TACC2: variants seen among roughly 807,000 people sequenced by gnomAD.
TACC2 encodes transforming acidic coiled-coil containing protein 2.
A neutral mutation model predicts 227.3 loss-of-function variants in TACC2; 137 were observed. The ratio of observed to expected loss-of-function variants is 0.60; its 90% CI spans 0.52 to 0.69. TACC2 has a LOEUF of 0.69. Among genes scored for constraint, TACC2 ranks in the 30% least tolerant of loss-of-function variants. The pLI is 0.00. For missense variants in TACC2, 3,470 were observed against 3,694.4 expected (o/e 0.94, Z 1.57); for synonymous variants, 1,523 against 1,487.5 (o/e 1.02, Z -0.55).
At chr10:122,120,771 T>C (rs1023066779) in intron 5 of TACC2, among the ~76,000 whole-genome samples, 10 of 152,244 alleles carry the variant, frequency 6.6e-5, no homozygotes, top group Admixed American at 1.3e-4. Flanking sequence ...TTCTTTCTTT[T>C]TTTTTTTGAG....
rs1045259724 is a variant in TACC2 at position 122,141,682 on chromosome 10, C to T, written c.5700-1890C>T. 6.6e-6 allele frequency among the ~76,000 whole-genome samples: 1 copy of T among 151,922 alleles called. No individual in the cohort carries two copies. The highest frequency in any genetic ancestry group is 1.5e-5 in the Non-Finnish European group (1 of 67,932). ...GGGCCACAGATCTAAGGTAGCATCT[C>T]CCCCCCACCCGCCACTGTTTTCTAA... On this transcript the variant is annotated intron_variant, in intron 6 of 22. Coordinates refer to ENST00000369005, the MANE Select transcript of TACC2 (RefSeq NM_206862.4). The surrounding 1 kb of genome is among the most constrained non-coding windows in gnomAD (Gnocchi z 4.3).
chr10:122,152,925 C>T (rs2092190788), intron 7 of TACC2, among the ~76,000 whole-genome samples: 1 of 152,118 alleles, frequency 6.6e-6, no homozygotes, highest in Non-Finnish European at 1.5e-5. Context: ...CTTGTGATAA[C>T]ATCTGGCCTT....
intron 5 of TACC2, among the ~76,000 whole-genome samples, chr10:122,105,926 C>T (rs1472841563): frequency 6.9e-6 from 1 of 143,988 alleles, no homozygotes; most frequent in Non-Finnish European, 1.5e-5. Flanking sequence ...CCTGGCCTGT[C>T]ATAAACATTT....
intron 2 of TACC2, among the ~76,000 whole-genome samples, chr10:122,031,997 C>G (rs966105040): frequency 3.3e-5 from 5 of 152,112 alleles, no homozygotes; most frequent in Admixed American, 1.3e-4. Context: ...CATGAGCCAC[C>G]GTGCCTGGCC....
chr10:122,240,036 G>A (rs1293728630), intron 18 of TACC2, among the ~76,000 whole-genome samples: 4 of 152,172 alleles, frequency 2.6e-5, no homozygotes, highest in Non-Finnish European at 4.4e-5. Context: ...TGGCAGCCTT[G>A]GGATCCTGGA....
intron 2 of TACC2, 163 bp downstream of exon 2, chr10:122,022,177 T>G: frequency 3.2e-6 from 2 of 628,378 alleles, no homozygotes; most frequent in East Asian, 2.8e-5. Flanking sequence ...ATTTTTCATT[T>G]CATTGGAATT....
chr10:122,122,901 A>G (rs1424884146), intron 5 of TACC2, among the ~76,000 whole-genome samples: 1 of 152,200 alleles, frequency 6.6e-6, no homozygotes. Context: ...ATATATTCAA[A>G]TTTTATCACC....
rs75404895 is a variant in TACC2 at position 122,182,248 on chromosome 10, T to G, written c.5835-12792T>G. On this transcript the variant is annotated intron_variant, in intron 7 of 22. Transcript: ENST00000369005. ...GGGCAGGACCCTGAGAACTATCAAT[T>G]TTTGGATGCGTGAAATAGACCAAAC... Among the ~76,000 whole-genome samples, 2,303 of 152,304 alleles carry G rather than the reference T, an allele frequency of 0.015. 151 individuals carry two copies. In the East Asian group the frequency reaches 0.24, roughly 16 times the overall value.
chr10:122,123,320 T>C (rs1209216551), intron 5 of TACC2, among the ~76,000 whole-genome samples: 1 of 152,154 alleles, frequency 6.6e-6, no homozygotes, highest in Non-Finnish European at 1.5e-5. Flanking sequence ...TTAGAAATCT[T>C]GTTACTCACC....
At chr10:122,100,034 G>C (rs945740815) in intron 5 of TACC2, among the ~76,000 whole-genome samples, 1 of 152,174 alleles carries the variant, frequency 6.6e-6, no homozygotes, top group Non-Finnish European at 1.5e-5. Context: ...GGAGGCCAAG[G>C]CAGGAGGATC....
At chr10:122,096,959 G>A (rs2081510119) in intron 5 of TACC2, among the ~76,000 whole-genome samples, 1 of 152,150 alleles carries the variant, frequency 6.6e-6, no homozygotes, top group Non-Finnish European at 1.5e-5. Context: ...GAAGGCACTG[G>A]AACAGGTCTA....
At chr10:122,242,345 A>G (rs1237571267) in intron 19 of TACC2, among the ~76,000 whole-genome samples, 1 of 152,096 alleles carries the variant, frequency 6.6e-6, no homozygotes, top group African/African-American at 2.4e-5. Flanking sequence ...CTTGTGGGAG[A>G]TAATAGGAAT....
intron 7 of TACC2, among the ~76,000 whole-genome samples, chr10:122,186,719 G>A (rs1029473742): frequency 9.2e-5 from 14 of 152,088 alleles, no homozygotes; most frequent in Non-Finnish European, 2.9e-5. Context: ...CACCATGTTG[G>A]CCAGGCTGGC....
At chr10:122,248,027 T>C (rs1026518539) in intron 19 of TACC2, 1 of 152,730 alleles carries the variant, frequency 6.5e-6, no homozygotes, top group Non-Finnish European at 1.5e-5. Context: ...ACTGAATTAA[T>C]ATTGTACATC....
At chr10:122,153,630 A>C (rs2092266547) in intron 7 of TACC2, among the ~76,000 whole-genome samples, 1 of 152,252 alleles carries the variant, frequency 6.6e-6, no homozygotes, top group African/African-American at 2.4e-5. Flanking sequence ...CCACAGCAGC[A>C]GCCACAGCTA....
chr10:122,012,253 C>T (rs1281549302), intron 1 of TACC2, among the ~76,000 whole-genome samples: 1 of 151,680 alleles, frequency 6.6e-6, no homozygotes, highest in Non-Finnish European at 1.5e-5. Flanking sequence ...AACCCCATCT[C>T]TACTAAAAAT....
At chr10:122,154,701 TAGGC>T (rs2139600793) in intron 7 of TACC2, among the ~76,000 whole-genome samples, 1 of 152,326 alleles carries the variant, frequency 6.6e-6, no homozygotes, top group Admixed American at 6.5e-5. Flanking sequence ...TGGCCACAGT[TAGGC>T]AGGGTGTAGA....
At chr10:122,185,060 CTCA>C (rs2094135920) in intron 7 of TACC2, among the ~76,000 whole-genome samples, 1 of 129,420 alleles carries the variant, frequency 7.7e-6, no homozygotes, top group African/African-American at 2.9e-5. Context: ...GAGCTGGGAT[CTCA>C]TCATGTGGCT....
intron 2 of TACC2, chr10:122,032,996 CAACAAA>C: frequency 1.4e-6 from 1 of 712,554 alleles, no homozygotes; most frequent in South Asian, 1.5e-5. Context: ...ACAACAACAA[CAACAAA>C]AACAAAAAAA....
Sources: allele counts gnomAD v4.1 joint callset (sites outside exome capture counted in the v4.1 genomes callset), GRCh38; gene constraint gnomAD v4.1.1; non-coding constraint Gnocchi (gnomAD v3.1); transcripts MANE v1.5; gene names NCBI Gene and HGNC (gene_info 2026-07-23, HGNC 2026-07-21).